HNF1B: variants seen among roughly 807,000 people sequenced by gnomAD.
The protein encoded by HNF1B is HNF1 homeobox B.
Under a neutral mutation model 61.7 loss-of-function variants are expected in HNF1B, and 8 were observed. That is an observed-to-expected ratio of 0.13 (90% CI 0.08 to 0.23). HNF1B has a LOEUF of 0.23. Among genes scored for constraint, HNF1B ranks in the 10% least tolerant of loss-of-function variants. HNF1B has a pLI of 1.00. For synonymous variants in HNF1B, 314 were observed against 287.7 expected (o/e 1.09, Z -0.93); for missense variants, 562 against 714.5 (o/e 0.79, Z 2.43).
At chr17:37,704,885 C>G in intron 6 of HNF1B, 32 bp downstream of exon 6, 2 of 1,613,166 alleles carry the variant, frequency 1.2e-6, no homozygotes, top group Middle Eastern at 1.7e-4. Flanking sequence ...TTCTCCCTGC[C>G]CCCAAGTTTT....
At chr17:37,718,482 C>T (rs2033197678) in intron 4 of HNF1B, among the ~76,000 whole-genome samples, 1 of 152,126 alleles carries the variant, frequency 6.6e-6, no homozygotes, top group South Asian at 2.1e-4. Context: ...GTCACAAGCA[C>T]CCATTTGACA....
At position 37,728,064 on chromosome 17, in the gene HNF1B, G is replaced by C. The variant is rs182758917; in HGVS notation, c.1045+3531C>G. 8.9e-4 allele frequency among the ~76,000 whole-genome samples: 135 copies of C among 151,816 alleles called. No homozygotes were observed. The Middle Eastern group carries it at 0.031, about 34-fold the overall frequency. On this transcript the variant is annotated intron_variant, in intron 4 of 8. Transcript: ENST00000617811. ...GGAGTGGAGTGGAGTGGCCCATCTC[G>C]GCTCACTGCAACCTCCACTTCCCGC...
At position 37,744,850 on chromosome 17, in the gene HNF1B, A is replaced by T; in HGVS notation, c.35T>A (p.Leu12His). 1 of 1,346,302 alleles carries T rather than the reference A, an allele frequency of 7.4e-7. No individual in the cohort carries two copies. The highest frequency in any genetic ancestry group is 9.8e-7 in the Non-Finnish European group (1 of 1,017,558). 83.4% of individuals were successfully genotyped at this position (1,346,302 alleles called of 1,614,324 possible). The stretch of plus-strand genomic sequence containing the variant: ...CCCGGAGCTCAGCAGGGCGCTCAGG[A>T]GTTCTTGCTGGAGCGACGTGAGCTT... ...VSKLTSLQQE[L>H]LSALLSSGVT... Residue 12 changes from leucine (L) to histidine (H), a missense_variant, in exon 1 of 9, where the codon CTC (leucine) becomes CAC (histidine). By Grantham distance (99) the Leu-to-His change is moderately conservative. Coordinates refer to ENST00000617811, the MANE Select transcript of HNF1B (RefSeq NM_000458.4).
chr17:37,739,748 C>G, intron 1 of HNF1B, 109 bp from the exon 2 acceptor site: 1 of 1,046,624 alleles, frequency 9.6e-7, no homozygotes, highest in Non-Finnish European at 1.5e-6. Flanking sequence ...GAATTTTCCC[C>G]CCATCTAAGC....
At chr17:37,698,109 T>G (rs2032446895) in intron 8 of HNF1B, among the ~76,000 whole-genome samples, 1 of 151,836 alleles carries the variant, frequency 6.6e-6, no homozygotes, top group African/African-American at 2.4e-5. Flanking sequence ...TGGCAGTGGA[T>G]GAAGTGTGAT....
At chr17:37,730,737 G>A (rs1255591291) in intron 4 of HNF1B, 1 of 152,256 alleles carries the variant, frequency 6.6e-6, no homozygotes, top group South Asian at 2.1e-4. Context: ...GAGCAGGCAG[G>A]AGGCTGCTAC....
intron 4 of HNF1B, among the ~76,000 whole-genome samples, chr17:37,717,708 C>T (rs762307001): frequency 6.6e-6 from 1 of 152,154 alleles, no homozygotes; most frequent in African/African-American, 2.4e-5. Context: ...CTGAGAGGCC[C>T]ATTTGGAAGA....
chr17:37,738,773 G>T (rs1167453353), intron 2 of HNF1B, among the ~76,000 whole-genome samples: 1 of 152,192 alleles, frequency 6.6e-6, no homozygotes. Flanking sequence ...AAGAATTGAT[G>T]GGTCAGAGTT....
At chr17:37,718,317 A>G (rs931297772) in intron 4 of HNF1B, among the ~76,000 whole-genome samples, 1 of 152,152 alleles carries the variant, frequency 6.6e-6, no homozygotes, top group African/African-American at 2.4e-5. Flanking sequence ...CATCCTTACT[A>G]GAGTGGCAGT....
rs764132839 is a variant in HNF1B at position 37,731,657 on chromosome 17, G to C, written c.983C>G (p.Pro328Arg). 6.2e-7 allele frequency: 1 copy of C among 1,614,050 alleles called. No individual in the cohort carries two copies. The highest frequency in any genetic ancestry group is 1.3e-5 in the African/African-American group (1 of 74,938). ...YSSNQTHSLNPLLSHGSPHHQ... is the reference protein window; with the variant it reads ...YSSNQTHSLNRLLSHGSPHHQ... ...GTGGGGGGAGCCGTGGGAGAGCAGAGGGTTCAGGCTGTGAGTCTGGTTGGA... is the reference window on the plus strand; with the variant it reads ...GTGGGGGGAGCCGTGGGAGAGCAGACGGTTCAGGCTGTGAGTCTGGTTGGA... Residue 328 changes from proline to arginine, a missense_variant, in exon 4 of 9, where the codon CCT becomes CGT. Coordinates refer to ENST00000617811, the MANE Select transcript of HNF1B (RefSeq NM_000458.4).
chr17:37,716,845 TC>T (rs2033134988), intron 4 of HNF1B, among the ~76,000 whole-genome samples: 1 of 30,388 alleles, frequency 3.3e-5, no homozygotes, highest in Admixed American at 2.6e-4. Flanking sequence ...TTTAACAATC[TC>T]TCTCTCTCTC....
intron 7 of HNF1B, 32 bp downstream of exon 7, chr17:37,700,951 T>A: frequency 6.5e-7 from 1 of 1,542,548 alleles, no homozygotes; most frequent in African/African-American, 1.4e-5. Flanking sequence ...GGGTCCTGAG[T>A]GCTCCCTCCC....
At chr17:37,706,834 A>T (rs183999416) in intron 5 of HNF1B, among the ~76,000 whole-genome samples, 174 of 152,322 alleles carry the variant, frequency 1.1e-3, no homozygotes, top group Non-Finnish European at 2.1e-3. Context: ...TGATAAAAAT[A>T]ATTTAAATGT....
intron 5 of HNF1B, among the ~76,000 whole-genome samples, chr17:37,705,466 G>C (rs2032714493): frequency 6.6e-6 from 1 of 152,142 alleles, no homozygotes; most frequent in South Asian, 2.1e-4. Flanking sequence ...AATTACTAAG[G>C]GTTGGGGGAG....
chr17:37,691,493 C>G (rs966700081), intron 8 of HNF1B, among the ~76,000 whole-genome samples: 1 of 152,102 alleles, frequency 6.6e-6, no homozygotes, highest in African/African-American at 2.4e-5. Flanking sequence ...CCCTTTGCCA[C>G]GTAAGACCCT....
intron 5 of HNF1B, among the ~76,000 whole-genome samples, chr17:37,706,725 T>C (rs1047247795): frequency 1.3e-5 from 2 of 150,962 alleles, no homozygotes; most frequent in Non-Finnish European, 3.0e-5. Flanking sequence ...CTGAATCTCT[T>C]GGGTAATGTA....
chr17:37,726,623 G>A (rs1010422702), intron 4 of HNF1B, among the ~76,000 whole-genome samples: 13 of 152,190 alleles, frequency 8.5e-5, no homozygotes, highest in African/African-American at 3.1e-4. Context: ...CAGGTAACCT[G>A]GGAGGGGCTG....
intron 6 of HNF1B, among the ~76,000 whole-genome samples, chr17:37,701,604 C>A (rs540705265): frequency 2.3e-4 from 35 of 152,258 alleles, no homozygotes; most frequent in South Asian, 1.5e-3. Flanking sequence ...ATCGGTCTGT[C>A]CAGTAGAGGG....
chr17:37,701,026 C>G lies in HNF1B; in HGVS notation c.1491G>C (p.Gln497His), dbSNP rs1256841308. The G allele has an allele frequency of 6.4e-7, 1 of 1,557,756 alleles. No homozygotes were observed. The highest frequency in any genetic ancestry group is 1.2e-5 in the South Asian group (1 of 84,516). Residue 497 changes from glutamine (Q) to histidine (H), a missense_variant, in exon 7 of 9, where the codon CAG becomes CAC. This residue lies in a region of HNF1B where 64 missense variants were observed against 96.9 expected (regional missense o/e 0.66). Transcript: ENST00000617811. ...MQQSPGSHMA[Q>H]QPFMAAVTQL... is the part of the protein sequence containing the mutation. ...GAGTCACAGCTGCCATGAAGGGCTGCTGGGCCATGTGGCTGCCTGGGCTCT... is the reference window on the plus strand; with the variant it reads ...GAGTCACAGCTGCCATGAAGGGCTGGTGGGCCATGTGGCTGCCTGGGCTCT...
Sources: gnomAD v4.1 joint callset for allele counts (sites outside exome capture counted in the v4.1 genomes callset) on GRCh38, gnomAD v4.1.1 for gene constraint, gnomAD v4.1.1 regional missense constraint, MANE v1.5 for transcripts, NCBI Gene and HGNC (gene_info 2026-07-23, HGNC 2026-07-21) for gene names.